Variants in PHACTR1 observed in about 807,000 individuals in gnomAD.
The protein encoded by PHACTR1 is RPEL repeat containing 1.
PHACTR1 carries 16 observed loss-of-function variants against 69.2 expected under a neutral mutation model. That is an observed-to-expected ratio of 0.23 (90% CI 0.16 to 0.35). The LOEUF (loss-of-function observed/expected upper bound fraction) is 0.35, where lower values mean the gene tolerates loss of function less well. Among genes scored for constraint, PHACTR1 ranks in the 10% least tolerant of loss-of-function variants. The pLI, the probability that PHACTR1 is intolerant of heterozygous loss-of-function variation, is 1.00. For synonymous variants in PHACTR1, 312 were observed against 284.5 expected (o/e 1.10, Z -0.97); for missense variants, 510 against 734.7 (o/e 0.69, Z 3.54).
intron 4 of PHACTR1, among the ~76,000 whole-genome samples, chr6:12,941,180 G>A (rs1248247709): frequency 2.0e-5 from 3 of 152,090 alleles, no homozygotes; most frequent in Non-Finnish European, 2.9e-5. Flanking sequence ...GTCCCAATAC[G>A]TTTGGGTAAA....
intron 4 of PHACTR1, among the ~76,000 whole-genome samples, chr6:12,839,123 G>GT (rs1202712952): frequency 6.6e-6 from 1 of 152,216 alleles, no homozygotes; most frequent in Non-Finnish European, 1.5e-5. Context: ...TGGCTAGCAA[G>GT]TAGCAGGGCC....
At chr6:12,843,441 G>A (rs1778896345) in intron 4 of PHACTR1, among the ~76,000 whole-genome samples, 1 of 152,186 alleles carries the variant, frequency 6.6e-6, no homozygotes, top group Non-Finnish European at 1.5e-5. Flanking sequence ...AGCCCAGAGA[G>A]TGGAAAATAG....
intron 5 of PHACTR1, among the ~76,000 whole-genome samples, chr6:13,157,627 C>T: frequency 6.6e-6 from 1 of 152,188 alleles, no homozygotes; most frequent in East Asian, 1.9e-4. Flanking sequence ...TGCAGATCTT[C>T]CTTTAGCGCT....
rs148022270 is a variant in PHACTR1 at position 12,998,082 on chromosome 6, A to G, written c.251-55283A>G. On this transcript the variant is annotated intron_variant, in intron 4 of 14. Coordinates refer to ENST00000332995, the MANE Select transcript of PHACTR1 (RefSeq NM_030948.6). ...ATTCAATATAACTCAGTCCACTGGTACATCACGAAAGTAGCTTTATAAATC... is the reference window on the plus strand; with the variant it reads ...ATTCAATATAACTCAGTCCACTGGTGCATCACGAAAGTAGCTTTATAAATC... Among the ~76,000 whole-genome samples, 66 of 152,382 alleles carry G rather than the reference A, an allele frequency of 4.3e-4. 1 individual carries two copies. The East Asian group carries it at 0.01, about 24-fold the overall frequency.
intron 4 of PHACTR1, among the ~76,000 whole-genome samples, chr6:12,961,511 A>T (rs973334699): frequency 1.3e-5 from 2 of 152,222 alleles, no homozygotes; most frequent in African/African-American, 4.8e-5. Context: ...TTGAAGAGCA[A>T]CATATGATAT....
intron 3 of PHACTR1, among the ~76,000 whole-genome samples, chr6:12,728,869 G>T (rs1738087811): frequency 6.6e-6 from 1 of 152,152 alleles, no homozygotes; most frequent in Admixed American, 6.5e-5. Context: ...GGCTGATTAA[G>T]TCCATTTAAG....
At chr6:12,868,528 CTCTT>C (rs1211186540) in intron 4 of PHACTR1, among the ~76,000 whole-genome samples, 1 of 152,104 alleles carries the variant, frequency 6.6e-6, no homozygotes, top group Non-Finnish European at 1.5e-5. Flanking sequence ...TGAATCAAGA[CTCTT>C]TCATCGATTT....
At chr6:12,802,968 G>T (rs559206335) in intron 4 of PHACTR1, among the ~76,000 whole-genome samples, 2 of 152,282 alleles carry the variant, frequency 1.3e-5, no homozygotes, top group South Asian at 4.1e-4. Context: ...AAAACCCTAT[G>T]TGAAGATAGC....
chr6:13,078,742 A>G (rs1176265510), intron 5 of PHACTR1, among the ~76,000 whole-genome samples: 1 of 152,196 alleles, frequency 6.6e-6, no homozygotes, highest in Non-Finnish European at 1.5e-5. Flanking sequence ...CTTCTGAGTA[A>G]TAGTAATCCT....
chr6:12,758,077 A>G (rs9472485), intron 4 of PHACTR1, among the ~76,000 whole-genome samples: 6,822 of 151,888 alleles, frequency 0.045, 508 homozygotes, highest in African/African-American at 0.15. Context: ...AAGCCACTGC[A>G]CTCCAGCCTG....
chr6:13,066,703 G>C (rs911339148), intron 5 of PHACTR1, among the ~76,000 whole-genome samples: 6 of 152,064 alleles, frequency 3.9e-5, no homozygotes, highest in South Asian at 4.1e-4. Context: ...TTTTCAGGTG[G>C]ATTGCATTGG....
At chr6:13,089,311 T>G (rs1812826427) in intron 5 of PHACTR1, among the ~76,000 whole-genome samples, 1 of 152,130 alleles carries the variant, frequency 6.6e-6, no homozygotes, top group Non-Finnish European at 1.5e-5. Flanking sequence ...GGGTCCTCAG[T>G]ACACAGAGTG....
chr6:12,777,877 C>A (rs11758650), intron 4 of PHACTR1, among the ~76,000 whole-genome samples: 56,401 of 151,990 alleles, frequency 0.37, 11,252 homozygotes, highest in African/African-American at 0.5. Flanking sequence ...GGTGATCCAC[C>A]TGCCTTGGCC....
At chr6:12,914,579 T>A (rs1786763673) in intron 4 of PHACTR1, among the ~76,000 whole-genome samples, 2 of 152,160 alleles carry the variant, frequency 1.3e-5, no homozygotes, top group Non-Finnish European at 2.9e-5. Context: ...ACACCTTAAA[T>A]GTAGCAATTG....
chr6:13,150,309 T>C (rs1218111720), intron 5 of PHACTR1, among the ~76,000 whole-genome samples: 6 of 152,136 alleles, frequency 3.9e-5, no homozygotes, highest in Admixed American at 3.9e-4. Context: ...ACCACTGCAT[T>C]CCAGCCTTGG....
At chr6:13,095,864 G>A (rs563140898) in intron 5 of PHACTR1, among the ~76,000 whole-genome samples, 14 of 131,462 alleles carry the variant, frequency 1.1e-4, no homozygotes, top group Non-Finnish European at 2.0e-4. Context: ...CACATTTCAC[G>A]TTTTATGTGT....
At chr6:12,894,511 A>G (rs1784458717) in intron 4 of PHACTR1, among the ~76,000 whole-genome samples, 1 of 152,242 alleles carries the variant, frequency 6.6e-6, no homozygotes, top group Admixed American at 6.5e-5. Flanking sequence ...AGGCTGAGGC[A>G]TGAGAATCGT....
At chr6:12,933,723 T>G in intron 4 of PHACTR1, 2 of 1,612,854 alleles carry the variant, frequency 1.2e-6, no homozygotes, top group Non-Finnish European at 1.7e-6. Context: ...CTGTGTTCCC[T>G]GGAAAACCAC....
At chr6:13,053,966 G>C (rs1326556405) in intron 5 of PHACTR1, among the ~76,000 whole-genome samples, 1 of 151,348 alleles carries the variant, frequency 6.6e-6, no homozygotes, top group Admixed American at 6.6e-5. Flanking sequence ...CCTTGAATAA[G>C]TGATTCTTGG....
Sources: gnomAD v4.1 joint callset for allele counts (sites outside exome capture counted in the v4.1 genomes callset) on GRCh38, gnomAD v4.1.1 for gene constraint, MANE v1.5 for transcripts, NCBI Gene and HGNC (gene_info 2026-07-23, HGNC 2026-07-21) for gene names.